P4HA3: variants seen among roughly 807,000 people sequenced by gnomAD.
The protein encoded by P4HA3 is prolyl 4-hydroxylase subunit alpha 3, also known as prolyl 4-hydroxylase subunit alpha-3.
A neutral mutation model predicts 66.7 loss-of-function variants in P4HA3; 60 were observed. The ratio of observed to expected loss-of-function variants is 0.90; its 90% CI spans 0.73 to 1.12. The LOEUF (loss-of-function observed/expected upper bound fraction) is 1.12. Ranked by LOEUF, P4HA3 falls within the 50% of genes most tolerant of loss-of-function variation. P4HA3 has a pLI of 0.00. For synonymous variants in P4HA3, 263 were observed against 274.6 expected, an observed-to-expected ratio of 0.96 and a Z score of 0.42; for missense variants, 683 against 685.8, an observed-to-expected ratio of 1.00 and a Z score of 0.05.
At chr11:74,294,756 A>C (rs1328459682) in intron 4 of P4HA3, among the ~76,000 whole-genome samples, 1 of 152,228 alleles carries the variant, frequency 6.6e-6, no homozygotes, top group Non-Finnish European at 1.5e-5. Flanking sequence ...GCTGCAGAAC[A>C]GCAGATATTG....
intron 4 of P4HA3, among the ~76,000 whole-genome samples, chr11:74,296,012 T>G (rs17132921): frequency 6.6e-6 from 1 of 152,210 alleles, no homozygotes; most frequent in African/African-American, 2.4e-5. Flanking sequence ...TTACTTTCAG[T>G]GTCTCAGTTA....
chr11:74,267,947 C>A (rs1860045217), intron 12 of P4HA3, among the ~76,000 whole-genome samples, 198 bp downstream of exon 12: 1 of 152,184 alleles, frequency 6.6e-6, no homozygotes, highest in Non-Finnish European at 1.5e-5. Context: ...GACTGTCACT[C>A]TGTAACAGGA....
chr11:74,251,712 A>G, intron 15 of P4HA3: 1 of 1,613,978 alleles, frequency 6.2e-7, no homozygotes. Context: ...GGTGGATTCC[A>G]GTGGTAAGGC....
chr11:74,271,145 G>A (rs1438093798), intron 10 of P4HA3, among the ~76,000 whole-genome samples: 3 of 152,186 alleles, frequency 2.0e-5, no homozygotes, highest in Non-Finnish European at 1.5e-5. Context: ...TAGGAGGTAG[G>A]ACGCTGGCCC....
chr11:74,254,949 A>C (rs746842079), intron 15 of P4HA3, among the ~76,000 whole-genome samples: 7 of 152,192 alleles, frequency 4.6e-5, no homozygotes, highest in Non-Finnish European at 8.8e-5. Flanking sequence ...ACTTTGGTCC[A>C]GAGCAGGACA....
intron 7 of P4HA3, 133 bp downstream of exon 7, chr11:74,285,676 T>C (rs1277569750): frequency 4.2e-6 from 4 of 945,558 alleles, no homozygotes; most frequent in Non-Finnish European, 1.6e-6. Context: ...ACTAGTTTTA[T>C]GGAATGGTTG....
At chr11:74,306,274 C>G (rs1941820) in intron 1 of P4HA3, among the ~76,000 whole-genome samples, 1 of 151,986 alleles carries the variant, frequency 6.6e-6, no homozygotes, top group Admixed American at 6.6e-5. Flanking sequence ...CTGAAGTGAT[C>G]ATCTTTCCAG....
At chr11:74,295,228 G>A (rs80238180) in intron 4 of P4HA3, among the ~76,000 whole-genome samples, 4,198 of 152,186 alleles carry the variant, frequency 0.028, 161 homozygotes, top group African/African-American at 0.089. Context: ...AGTTCTTCCC[G>A]GAGTCCACAA....
intron 9 of P4HA3, among the ~76,000 whole-genome samples, chr11:74,276,585 A>T (rs1193453155): frequency 6.6e-6 from 1 of 152,136 alleles, no homozygotes; most frequent in African/African-American, 2.4e-5. Context: ...ATAAATACGT[A>T]AATAAAAAAC....
Position 74,268,187 on chromosome 11 carries a change from T to C in P4HA3, c.1522A>G (p.Thr508Ala), listed in dbSNP as rs779526689. 9 of 1,614,070 alleles carry C rather than the reference T, an allele frequency of 5.6e-6. No individual in the cohort carries two copies. The East Asian group carries it at 1.8e-4, about 32-fold the overall frequency. ...AGGACAGGACAGCCAGCATGAAGTG[T>C]GTCACTGTCCCCTTCACCACTCCTG... is the stretch of plus-strand genomic sequence containing the variant. The part of the protein sequence containing the change: ...LHRSGEGDSD[T>A]LHAGCPVLVG... Residue 508 changes from threonine (T) to alanine (A), a missense_variant, in exon 12 of 13, where the codon ACA becomes GCA. Transcript: ENST00000331597.
chr11:74,302,945 T>G (rs180878731), intron 2 of P4HA3, among the ~76,000 whole-genome samples: 5 of 152,148 alleles, frequency 3.3e-5, no homozygotes, highest in African/African-American at 7.2e-5. Flanking sequence ...TCCTCTTTTC[T>G]TTCTTTTCTT....
intron 8 of P4HA3, among the ~76,000 whole-genome samples, chr11:74,278,151 T>TG (rs1290244681): frequency 1.3e-5 from 2 of 152,132 alleles, no homozygotes; most frequent in African/African-American, 4.8e-5. Flanking sequence ...TTCATTCCAG[T>TG]GGGGCACTCA....
At chr11:74,279,510 G>T in intron 7 of P4HA3, 58 bp from the exon 8 acceptor site, 1 of 1,504,296 alleles carries the variant, frequency 6.6e-7, no homozygotes, top group African/African-American at 1.4e-5. Flanking sequence ...GGAAAGTTTT[G>T]TCACTTCCAC....
Position 74,294,479 on chromosome 11 carries a change from G to A in P4HA3, c.717+3733C>T, listed in dbSNP as rs142954345. Among the ~76,000 whole-genome samples the A allele has an allele frequency of 1.8e-3, 275 of 152,236 alleles. 2 individuals carry two copies. Among genetic ancestry groups the A allele is most frequent in the African/African-American group, 5.9e-3 (245 of 41,522 alleles). ...GTCATTCTCCATCCAGCTTTGTTCC[G>A]TTGCTGGTGAGGAGCTCTGTTCCTT... On this transcript the variant is annotated intron_variant, in intron 4 of 12. Coordinates refer to ENST00000331597, the MANE Select transcript of P4HA3 (RefSeq NM_182904.5).
intron 8 of P4HA3, 80 bp from the exon 9 acceptor site, chr11:74,277,224 CAAAT>C (rs1480172829): frequency 2.7e-6 from 4 of 1,473,060 alleles, no homozygotes; most frequent in Non-Finnish European, 3.7e-6. Flanking sequence ...AATGAATAAA[CAAAT>C]GAATTATGTT....
intron 10 of P4HA3, among the ~76,000 whole-genome samples, chr11:74,271,725 G>T (rs1342336074): frequency 6.6e-6 from 1 of 152,060 alleles, no homozygotes; most frequent in African/African-American, 2.4e-5. Flanking sequence ...TCAATCCTCT[G>T]TACTTCTTAA....
chr11:74,277,223 A>G (rs1860431016), intron 8 of P4HA3, 79 bp from the exon 9 acceptor site: 3 of 1,487,884 alleles, frequency 2.0e-6, no homozygotes, highest in Non-Finnish European at 2.7e-6. Context: ...GAATGAATAA[A>G]CAAATGAATT....
At chr11:74,255,742 G>A (rs533097336) in intron 15 of P4HA3, among the ~76,000 whole-genome samples, 100 of 152,316 alleles carry the variant, frequency 6.6e-4, no homozygotes, top group African/African-American at 2.4e-3. Flanking sequence ...TTGGAAGCTC[G>A]TTAGAGAACT....
intron 4 of P4HA3, among the ~76,000 whole-genome samples, chr11:74,293,766 A>G (rs1403208253): frequency 6.6e-6 from 1 of 152,172 alleles, no homozygotes; most frequent in Non-Finnish European, 1.5e-5. Flanking sequence ...AGAATGTTGA[A>G]TATTGGTCCC....
Sources: gnomAD v4.1 joint callset for allele counts (sites outside exome capture counted in the v4.1 genomes callset) on GRCh38, gnomAD v4.1.1 for gene constraint, MANE v1.5 for transcripts, NCBI Gene and HGNC (gene_info 2026-07-23, HGNC 2026-07-21) for gene names.